Variants in TRPV3 observed in about 807,000 individuals in gnomAD.
The protein encoded by TRPV3 is VRL-3.
TRPV3 carries 88 observed loss-of-function variants against 87.1 expected under a neutral mutation model. The observed-to-expected ratio is 1.01, with a 90% CI of 0.85 to 1.21. The LOEUF (loss-of-function observed/expected upper bound fraction) is 1.21, where lower values mean the gene tolerates loss of function less well. Ranked by LOEUF, TRPV3 falls within the 50% of genes most tolerant of loss-of-function variation. The pLI is 0.00. For synonymous variants in TRPV3, 438 were observed against 423.3 expected, an observed-to-expected ratio of 1.03 and a Z score of -0.43; for missense variants, 1,054 against 1,030.1, an observed-to-expected ratio of 1.02 and a Z score of -0.32.
chr17:3,526,203 C>A (rs747756434), intron 12 of TRPV3, among the ~76,000 whole-genome samples: 1 of 152,132 alleles, frequency 6.6e-6, no homozygotes, highest in Non-Finnish European at 1.5e-5. Context: ...AAGAGGCCGG[C>A]GCAGGAGCTC....
Position 3,530,151 on chromosome 17 carries a change from A to G in TRPV3, c.1118T>C (p.Leu373Pro), listed in dbSNP as rs1411815026. The change falls in exon 9 of 18, where the codon CTG becomes CCG. Residue 373 changes from leucine to proline, a missense_variant. Coordinates refer to ENST00000576742, the MANE Select transcript of TRPV3 (RefSeq NM_145068.4). This position sits in a 1 kb window ranked among gnomAD's most constrained non-coding sequence, Gnocchi z 4.0. Reference protein sequence around the residue: ...REIKEKRLRSLSRKFTDWAYG... With the variant: ...REIKEKRLRSPSRKFTDWAYG... ...CGCCCAGTCGGTGAACTTCCTGGAC[A>G]GGCTCCGGAGCCGCTTCTCCTTGAT... 4 of 1,614,066 alleles carry G rather than the reference A, an allele frequency of 2.5e-6. No homozygotes were observed. The South Asian group carries it at 4.4e-5, about 18-fold the overall frequency.
In TRPV3 at chr17:3,532,366, C is replaced by T. The variant is rs2074356178; in HGVS notation, c.1065+291G>A. Among the ~76,000 whole-genome samples the T allele has an allele frequency of 2.0e-5, 3 of 152,260 alleles. No individual in the cohort carries two copies. The South Asian group carries it at 6.2e-4, about 32-fold the overall frequency. ...ACCCACTGCTGGGGCTATTGTGTCA[C>T]CTCAGCCTCAGGCTCCCCCAGCCTA... On this transcript the variant is annotated intron_variant, in intron 8 of 17. Transcript: ENST00000576742.
chr17:3,527,580 TGGATGGATGGAA>T, intron 11 of TRPV3: 1 of 232,456 alleles, frequency 4.3e-6, no homozygotes, highest in Non-Finnish European at 8.5e-6. Context: ...GTTGATTCAT[TGGATGGATGGAA>T]GGATGGATGG....
At chr17:3,517,598 C>T (rs547913285) in intron 15 of TRPV3, among the ~76,000 whole-genome samples, 46 of 108,688 alleles carry the variant, frequency 4.2e-4, no homozygotes, top group African/African-American at 1.5e-3. Flanking sequence ...CCAGCCTGGG[C>T]AACAGAGCAA....
chr17:3,537,092 A>G (rs1227356691), intron 6 of TRPV3, among the ~76,000 whole-genome samples: 1 of 152,148 alleles, frequency 6.6e-6, no homozygotes, highest in Non-Finnish European at 1.5e-5. Flanking sequence ...GCTTACATAA[A>G]GGTTTTTGGT....
Position 3,514,575 on chromosome 17 carries a change from A to G in TRPV3, c.2278+18T>C, listed in dbSNP as rs1567627729. ...CTGAGACAGGAGCGGACACCATGTC[A>G]CCTCACAGCGACAGTACCTGTTCGT... On this transcript the variant is annotated intron_variant, in intron 17 of 17. Coordinates refer to ENST00000576742, the MANE Select transcript of TRPV3 (RefSeq NM_145068.4). 2 of 1,589,586 alleles carry G rather than the reference A, an allele frequency of 1.3e-6. No homozygotes were observed. Among genetic ancestry groups the G allele is most frequent in the African/African-American group, 1.3e-5 (1 of 74,334 alleles).
rs1215108585 is a variant in TRPV3 at position 3,542,624 on chromosome 17, G to T, written c.541C>A (p.Pro181Thr). 2 of 1,613,888 alleles carry T rather than the reference G, an allele frequency of 1.2e-6. No homozygotes were observed. Among genetic ancestry groups the T allele is most frequent in the East Asian group, 2.2e-5 (1 of 44,882 alleles). Reference sequence around the variant, plus strand: ...ATCCGCACTATCTCCTTGGTGTTGGGGTTGATGTTTAACAAGGCCTTCATC... The same window carrying T: ...ATCCGCACTATCTCCTTGGTGTTGGTGTTGATGTTTAACAAGGCCTTCATC... ...CLMKALLNIN[P>T]NTKEIVRILL... Residue 181 changes from proline (P) to threonine (T), a missense_variant, in exon 6 of 18, where the codon CCC becomes ACC. Pro to Thr is a conservative substitution (Grantham distance 38). Transcript: ENST00000576742.
chr17:3,525,756 A>C (rs2074294309), intron 12 of TRPV3, among the ~76,000 whole-genome samples: 1 of 151,592 alleles, frequency 6.6e-6, no homozygotes, highest in South Asian at 2.1e-4. Context: ...AGTAGCTGGG[A>C]TTACAGGTGC....
chr17:3,542,376 C>T, intron 6 of TRPV3, 146 bp downstream of exon 6: 1 of 881,802 alleles, frequency 1.1e-6, no homozygotes, highest in Non-Finnish European at 1.7e-6. Context: ...AGAGGGTTGC[C>T]TGAAGCATCC....
chr17:3,551,762 G>T (rs1184844116), intron 2 of TRPV3, among the ~76,000 whole-genome samples: 1 of 151,504 alleles, frequency 6.6e-6, no homozygotes. Context: ...AGCACTCCCA[G>T]GTCCAAAAGT....
At chr17:3,551,837 A>G (rs2074577422) in intron 2 of TRPV3, among the ~76,000 whole-genome samples, 1 of 138,766 alleles carries the variant, frequency 7.2e-6, no homozygotes, top group South Asian at 2.4e-4. Flanking sequence ...CTTAGGGGTC[A>G]GCATTGCCCT....
intron 12 of TRPV3, among the ~76,000 whole-genome samples, chr17:3,525,621 A>AT (rs35398071): frequency 0.033 from 4,687 of 143,432 alleles, 163 homozygotes; most frequent in East Asian, 0.19. Context: ...ACCACAATTA[A>AT]TTTTTTTTTT....
intron 14 of TRPV3, 70 bp downstream of exon 14, chr17:3,520,903 C>T: frequency 1.8e-6 from 2 of 1,099,470 alleles, no homozygotes; most frequent in Non-Finnish European, 2.7e-6. Context: ...CCGCCATGCA[C>T]TTTGCCATTT....
intron 7 of TRPV3, among the ~76,000 whole-genome samples, chr17:3,535,104 G>A (rs2074386413): frequency 6.6e-6 from 1 of 151,668 alleles, no homozygotes; most frequent in Non-Finnish European, 1.5e-5. Context: ...GGGACAGTGT[G>A]GGTGGAGCTC....
Position 3,515,120 on chromosome 17 carries a change from G to A in TRPV3, c.2199-448C>T, listed in dbSNP as rs368130647. 2.9e-4 allele frequency among the ~76,000 whole-genome samples: 44 copies of A among 152,292 alleles called. No homozygotes were observed. The South Asian group carries it at 6.6e-3, about 23-fold the overall frequency. Reference sequence around the variant, plus strand: ...CAGTGCCCCAACAAGAGTGGGTGGCGTCTGAGGTGTTAGAATACAACCATA... The same window carrying A: ...CAGTGCCCCAACAAGAGTGGGTGGCATCTGAGGTGTTAGAATACAACCATA... On this transcript the variant is annotated intron_variant, in intron 16 of 17. Transcript: ENST00000576742.
intron 14 of TRPV3, among the ~76,000 whole-genome samples, chr17:3,519,634 T>TGGATGGA (rs1253860950): frequency 1.3e-4 from 4 of 30,490 alleles, no homozygotes; most frequent in African/African-American, 5.3e-4. Flanking sequence ...GGATGGATGA[T>TGGATGGA]TAGATGGATG....
intron 1 of TRPV3, among the ~76,000 whole-genome samples, chr17:3,555,395 C>T (rs1292166072): frequency 6.6e-6 from 1 of 152,244 alleles, no homozygotes; most frequent in African/African-American, 2.4e-5. Flanking sequence ...CCTAGTAACA[C>T]AGCCTTAAGC....
chr17:3,530,821 C>T lies in TRPV3; in HGVS notation c.1066-618G>A, dbSNP rs1810045. 0.27 allele frequency among the ~76,000 whole-genome samples: 40,417 copies of T among 151,812 alleles called. 7,376 individuals are homozygous for T. Among genetic ancestry groups the T allele is most frequent in the East Asian group, 0.52 (2,688 of 5,132 alleles). Reference sequence around the variant, plus strand: ...CTGTAATCCCAGCACTTTGGGAGGCCGAGGCGGGTGGATCATTTGAGGTCA... The same window carrying T: ...CTGTAATCCCAGCACTTTGGGAGGCTGAGGCGGGTGGATCATTTGAGGTCA... On this transcript the variant is annotated intron_variant, in intron 8 of 17. Coordinates refer to ENST00000576742, the MANE Select transcript of TRPV3 (RefSeq NM_145068.4). This position sits in a 1 kb window ranked among gnomAD's most constrained non-coding sequence, Gnocchi z 4.0.
rs535266781 is a variant in TRPV3, at chr17:3,520,269, A to C, written c.1810+704T>G. On this transcript the variant is annotated intron_variant, in intron 14 of 17. Transcript: ENST00000576742. Reference sequence around the variant, plus strand: ...AGATCGTGCTGTTCCCTCTGTTGTAAATGGAGAGATTTTAAGAGGGGGCTC... The same window carrying C: ...AGATCGTGCTGTTCCCTCTGTTGTACATGGAGAGATTTTAAGAGGGGGCTC... 3.6e-4 allele frequency among the ~76,000 whole-genome samples: 55 copies of C among 152,232 alleles called. 1 individual carries two copies. The highest frequency in any genetic ancestry group is 1.3e-3 in the African/African-American group (52 of 41,536).
Sources: allele counts gnomAD v4.1 joint callset (sites outside exome capture counted in the v4.1 genomes callset), GRCh38; gene constraint gnomAD v4.1.1; non-coding constraint Gnocchi (gnomAD v3.1); transcripts MANE v1.5; gene names NCBI Gene and HGNC (gene_info 2026-07-23, HGNC 2026-07-21).